ZNF345: variants seen among roughly 807,000 people sequenced by gnomAD.
ZNF345 encodes zinc finger protein HZF10.
For missense variants in ZNF345, 527 were observed against 589.9 expected (o/e 0.89, Z 1.10); for synonymous variants, 166 against 187.9 (o/e 0.88, Z 0.95).
intron 2 of ZNF345, among the ~76,000 whole-genome samples, chr19:36,867,226 G>A (rs932010963): frequency 1.8e-4 from 28 of 152,064 alleles, no homozygotes; most frequent in African/African-American, 6.8e-4. Context: ...TCTAATTATG[G>A]TGTTAATTTG....
chr19:36,859,482 A>G (rs11084867), intron 2 of ZNF345, among the ~76,000 whole-genome samples: 49,027 of 149,992 alleles, frequency 0.33, 9,000 homozygotes, highest in East Asian at 0.7. Flanking sequence ...TATCTTCACC[A>G]GTTCTTTTGT....
At chr19:36,856,632 C>T (rs1239163790) in intron 2 of ZNF345, among the ~76,000 whole-genome samples, 5 of 152,058 alleles carry the variant, frequency 3.3e-5, no homozygotes, top group Non-Finnish European at 4.4e-5. Context: ...GAGGCAGGCG[C>T]ATCACCTGAG....
chr19:36,873,673 G>T (rs1399046457), intron 2 of ZNF345, among the ~76,000 whole-genome samples: 3 of 147,062 alleles, frequency 2.0e-5, no homozygotes, highest in African/African-American at 5.1e-5. Context: ...CTACCATTCT[G>T]TATGCTATTT....
At chr19:36,868,776 C>T (rs1436966470) in intron 2 of ZNF345, among the ~76,000 whole-genome samples, 1 of 151,824 alleles carries the variant, frequency 6.6e-6, no homozygotes, top group African/African-American at 2.4e-5. Context: ...CAGGTGCGTG[C>T]CACCACGCCC....
At position 36,868,871 on chromosome 19, in the gene ZNF345, G is replaced by A. The variant is rs190149303; in HGVS notation, c.-46-7914G>A. On this transcript the variant is annotated intron_variant, in intron 2 of 2. Transcript: ENST00000420450. ...AAACTCCTGACCTCGTGATCCACCCGCCTCAGCCTCCCAAACTGCTGGGAT... is the reference window on the plus strand; with the variant it reads ...AAACTCCTGACCTCGTGATCCACCCACCTCAGCCTCCCAAACTGCTGGGAT... Among the ~76,000 whole-genome samples, 996 of 152,062 alleles carry A rather than the reference G, an allele frequency of 6.5e-3. 3 individuals are homozygous for A. The highest frequency in any genetic ancestry group is 0.01 in the Non-Finnish European group (701 of 67,972).
rs1358575897 is a variant in ZNF345, at chr19:36,877,470, G to T, written c.640G>T (p.Gly214Cys). ...CIDCGKAFGSGSNLTQHRRIH... is the reference protein window; with the variant it reads ...CIDCGKAFGSCSNLTQHRRIH... ...AGATTGTGGTAAAGCCTTTGGCAGT[G>T]GTTCAAACCTTACTCAACATCGGCG... is the stretch of plus-strand genomic sequence containing the variant. The change falls in exon 3 of 3, where the codon GGT becomes TGT. Residue 214 changes from glycine to cysteine, a missense_variant. Transcript: ENST00000420450. 5 of 1,613,966 alleles carry T rather than the reference G, an allele frequency of 3.1e-6. No homozygotes were observed. The African/African-American group carries it at 4.0e-5, about 13-fold the overall frequency.
chr19:36,863,180 T>C (rs2072589791), intron 2 of ZNF345, among the ~76,000 whole-genome samples: 2 of 152,216 alleles, frequency 1.3e-5, no homozygotes, highest in Non-Finnish European at 2.9e-5. Context: ...GGTCATACTA[T>C]ATACTTGTCT....
chr19:36,862,692 A>G lies in ZNF345; in HGVS notation c.-47+10788A>G, dbSNP rs576841253. On this transcript the variant is annotated intron_variant, in intron 2 of 2. Coordinates refer to ENST00000420450, the MANE Select transcript of ZNF345 (RefSeq NM_001242472.2). ...AAAAAAAAAAAAAAAAAAAAAGTTA[A>G]AACTATGCAAAAAGGTAAAGTTAGA... 1.5e-4 allele frequency among the ~76,000 whole-genome samples: 23 copies of G among 151,800 alleles called. No individual in the cohort carries two copies. The East Asian group carries it at 4.5e-3, about 29-fold the overall frequency.
Position 36,878,346 on chromosome 19 carries a change from A to G in ZNF345, c.*49A>G, listed in dbSNP as rs778293292. The G allele has an allele frequency of 2.7e-6, 4 of 1,500,062 alleles. No homozygotes were observed. Among genetic ancestry groups the G allele is most frequent in the Non-Finnish European group, 3.6e-6 (4 of 1,122,300 alleles). The allele number at this position is 1,500,062 out of a possible 1,614,324, so 92.9% of individuals were successfully genotyped here. A position where few individuals can be genotyped will look rare whatever the true frequency, so the allele number is the denominator to read the frequency against. On this transcript the variant is annotated 3_prime_UTR_variant, in exon 3 of 3. Coordinates refer to ENST00000420450, the MANE Select transcript of ZNF345 (RefSeq NM_001242472.2). The stretch of plus-strand genomic sequence containing the variant: ...CTAAACATATGACTTAAGAAAATTC[A>G]TAGTGGTGAAAATCTCTACAAATAG...
At chr19:36,871,439 G>A (rs772419281) in intron 2 of ZNF345, among the ~76,000 whole-genome samples, 3 of 151,778 alleles carry the variant, frequency 2.0e-5, no homozygotes, top group Non-Finnish European at 4.4e-5. Context: ...TTTTTTTTGT[G>A]AGTCATTTGA....
chr19:36,890,931 C>T (rs2073044899), intron 3 of ZNF345: 1 of 152,186 alleles, frequency 6.6e-6, no homozygotes, highest in Non-Finnish European at 1.5e-5. Context: ...TAGACAAAAT[C>T]ATTCTAACAG....
In ZNF345 at chr19:36,878,623, CT is replaced by C. The variant is rs10709788; in HGVS notation, c.*336del. On this transcript the variant is annotated 3_prime_UTR_variant, in exon 3 of 3. Coordinates refer to ENST00000420450, the MANE Select transcript of ZNF345 (RefSeq NM_001242472.2). ...AATCCTACTATATTTTTTCAATGGT[CT>C]TTTTTTTTTGTATTATACAGAATTA... 0.24 allele frequency: 44,266 copies of C among 184,620 alleles called. 7,768 individuals are homozygous for C. Among genetic ancestry groups the C allele is most frequent in the African/African-American group, 0.53 (22,142 of 41,538 alleles). The allele number at this position is 184,620 out of a possible 1,614,324, so 11.4% of individuals were successfully genotyped here.
At chr19:36,873,275 T>C (rs1432935554) in intron 2 of ZNF345, among the ~76,000 whole-genome samples, 1 of 152,160 alleles carries the variant, frequency 6.6e-6, no homozygotes, top group Non-Finnish European at 1.5e-5. Flanking sequence ...CTATATAGTC[T>C]GTCTTCTGAG....
chr19:36,854,391 CCT>C (rs2072359168), intron 2 of ZNF345: 1 of 152,004 alleles, frequency 6.6e-6, no homozygotes. Flanking sequence ...TTGAAAATTC[CCT>C]TTCTGATGTC....
At chr19:36,861,302 C>T (rs1431616528) in intron 2 of ZNF345, among the ~76,000 whole-genome samples, 3 of 152,138 alleles carry the variant, frequency 2.0e-5, no homozygotes, top group African/African-American at 4.8e-5. Flanking sequence ...TGGTTCCTTG[C>T]AATGTGAATA....
At position 36,877,432 on chromosome 19, in the gene ZNF345, C is replaced by A; in HGVS notation, c.602C>A (p.Pro201His). ...RHHRIHTGEK[P>H]YECIDCGKAF... ...CACAGAATTCACACAGGTGAGAAAC[C>A]TTATGAATGTATAGATTGTGGTAAA... The change falls in exon 3 of 3, where the codon CCT becomes CAT. Residue 201 changes from proline to histidine, a missense_variant. Transcript: ENST00000420450. 6.2e-7 allele frequency: 1 copy of A among 1,614,016 alleles called. No individual in the cohort carries two copies. Among genetic ancestry groups the A allele is most frequent in the Middle Eastern group, 1.7e-4 (1 of 6,060 alleles).
intron 2 of ZNF345, among the ~76,000 whole-genome samples, chr19:36,853,840 C>A (rs1234636799): frequency 6.6e-6 from 1 of 152,148 alleles, no homozygotes; most frequent in Non-Finnish European, 1.5e-5. Context: ...AGTACACTTA[C>A]CTTCTTTTTC....
downstream of ZNF345, among the ~76,000 whole-genome samples, chr19:36,880,606 T>C (rs560849076): frequency 5.7e-4 from 86 of 151,494 alleles, 5 homozygotes; most frequent in South Asian, 0.018. Context: ...CTGGGTAACA[T>C]AGCAAGCCCC....
chr19:36,889,630 TATC>T (rs2073031775), intron 3 of ZNF345: 1 of 152,226 alleles, frequency 6.6e-6, no homozygotes. Flanking sequence ...AATATCACCT[TATC>T]ATTTCTGATT....
Sources: gnomAD v4.1 joint callset for allele counts (sites outside exome capture counted in the v4.1 genomes callset) on GRCh38, gnomAD v4.1.1 for gene constraint, MANE v1.5 for transcripts, NCBI Gene and HGNC (gene_info 2026-07-23, HGNC 2026-07-21) for gene names.